ADK: variants seen among roughly 807,000 people sequenced by gnomAD.
ADK encodes the protein adenosine kinase.
ADK carries 24 observed loss-of-function variants against 44.7 expected under a neutral mutation model. The ratio of observed to expected loss-of-function variants is 0.54; its 90% CI spans 0.39 to 0.76. The LOEUF (loss-of-function observed/expected upper bound fraction) is 0.76, where lower values mean the gene tolerates loss of function less well. Among genes scored for constraint, ADK ranks in the 30% least tolerant of loss-of-function variants. The pLI is 0.00. For missense variants in ADK, 321 were observed against 425.1 expected, an observed-to-expected ratio of 0.76 and a Z score of 2.15; for synonymous variants, 128 against 142.6, an observed-to-expected ratio of 0.90 and a Z score of 0.73.
chr10:74,637,781 A>G (rs1474984710), intron 9 of ADK, among the ~76,000 whole-genome samples: 2 of 152,216 alleles, frequency 1.3e-5, no homozygotes, highest in Non-Finnish European at 2.9e-5. Context: ...GAGACTGCTG[A>G]GTCTAGATGA....
At chr10:74,426,262 A>G (rs916355589) in intron 6 of ADK, among the ~76,000 whole-genome samples, 3 of 152,228 alleles carry the variant, frequency 2.0e-5, no homozygotes, top group Admixed American at 6.5e-5. Flanking sequence ...AGGAGTTAGT[A>G]TAATTCAGAA....
intron 3 of ADK, among the ~76,000 whole-genome samples, chr10:74,300,451 A>G (rs905157445): frequency 8.6e-5 from 13 of 151,486 alleles, no homozygotes; most frequent in Admixed American, 6.6e-4. Context: ...GTCTTGGCTC[A>G]CTGCAACTTC....
chr10:74,453,081 C>T lies in ADK; in HGVS notation c.555+54502C>T, dbSNP rs537365461. On this transcript the variant is annotated intron_variant, in intron 6 of 10. Transcript: ENST00000539909. ...GATAGTAAAATATTTAACAGAAATT[C>T]AAGCACATTCTTTTAACTCTTTCTG... Among the ~76,000 whole-genome samples, 48 of 152,076 alleles carry T rather than the reference C, an allele frequency of 3.2e-4. No individual in the cohort carries two copies. In the East Asian group the frequency reaches 4.4e-3, roughly 14 times the overall value.
chr10:74,218,393 T>C (rs940898025), intron 2 of ADK, among the ~76,000 whole-genome samples: 2 of 152,178 alleles, frequency 1.3e-5, no homozygotes, highest in African/African-American at 4.8e-5. Flanking sequence ...CTACGTCTGA[T>C]TGGTGTACCT....
intron 3 of ADK, among the ~76,000 whole-genome samples, chr10:74,274,435 G>C (rs544548419): frequency 2.0e-5 from 3 of 151,760 alleles, no homozygotes. Flanking sequence ...GGTGGCAGGC[G>C]CCTGTAATTC....
intron 1 of ADK, among the ~76,000 whole-genome samples, chr10:74,166,829 T>C (rs1005018658): frequency 3.3e-5 from 5 of 152,192 alleles, no homozygotes; most frequent in Non-Finnish European, 7.3e-5. Flanking sequence ...TATGAGCTTG[T>C]GAGGAACTTC....
intron 6 of ADK, among the ~76,000 whole-genome samples, chr10:74,470,603 T>A (rs1255894212): frequency 1.3e-5 from 2 of 152,234 alleles, no homozygotes; most frequent in Non-Finnish European, 2.9e-5. Flanking sequence ...TTGAAAAATA[T>A]CTATTCAAGC....
intron 3 of ADK, among the ~76,000 whole-genome samples, chr10:74,309,665 G>T (rs1904062): frequency 0.48 from 73,257 of 151,820 alleles, 20,145 homozygotes; most frequent in Non-Finnish European, 0.62. Flanking sequence ...AGGGAGAGGG[G>T]TGTATGAAGT....
chr10:74,532,861 G>C lies in ADK; in HGVS notation c.726+7435G>C, dbSNP rs1053960272. Among the ~76,000 whole-genome samples, 26 of 133,142 alleles carry C rather than the reference G, an allele frequency of 2.0e-4. 1 individual carries two copies. The highest frequency in any genetic ancestry group is 7.3e-4 in the African/African-American group (26 of 35,530). 87.3% of individuals were successfully genotyped at this position (133,142 alleles called of 152,430 possible). On this transcript the variant is annotated intron_variant, in intron 7 of 10. Coordinates refer to ENST00000539909, the MANE Select transcript of ADK (RefSeq NM_006721.4). ...GGAGAACCCAGGAGGCGGAGGTTGC[G>C]ATGAGCCGAGATCATGCCACTGCAC...
At chr10:74,190,689 G>A (rs1274163514) in intron 1 of ADK, among the ~76,000 whole-genome samples, 1 of 152,134 alleles carries the variant, frequency 6.6e-6, no homozygotes, top group Non-Finnish European at 1.5e-5. Flanking sequence ...TCAGGGAATT[G>A]CTAGTCAGCT....
intron 7 of ADK, among the ~76,000 whole-genome samples, chr10:74,555,420 GGA>G (rs962566738): frequency 4.6e-5 from 7 of 152,006 alleles, no homozygotes; most frequent in African/African-American, 1.7e-4. Context: ...TGGAAGTGGG[GGA>G]GAGAGAGAAT....
intron 4 of ADK, among the ~76,000 whole-genome samples, chr10:74,321,559 G>A (rs1264511414): frequency 4.6e-5 from 7 of 152,064 alleles, no homozygotes; most frequent in African/African-American, 1.7e-4. Flanking sequence ...TCTCAAATTA[G>A]CAGATCCTTA....
At chr10:74,283,441 C>A (rs966754600) in intron 3 of ADK, among the ~76,000 whole-genome samples, 2 of 150,466 alleles carry the variant, frequency 1.3e-5, no homozygotes, top group African/African-American at 4.9e-5. Context: ...TTTGACCTTG[C>A]TGGTTTCTAA....
At chr10:74,410,676 G>A (rs1844144141) in intron 6 of ADK, among the ~76,000 whole-genome samples, 1 of 152,068 alleles carries the variant, frequency 6.6e-6, no homozygotes, top group Non-Finnish European at 1.5e-5. Flanking sequence ...GTGAGACTCT[G>A]TCTGAAAACA....
chr10:74,515,757 C>A (rs1340974017), intron 6 of ADK, among the ~76,000 whole-genome samples: 2 of 152,120 alleles, frequency 1.3e-5, no homozygotes, highest in Non-Finnish European at 2.9e-5. Context: ...GGGAGCCCAG[C>A]AGTTTGGCCA....
chr10:74,621,185 G>C (rs1445461508), intron 9 of ADK, among the ~76,000 whole-genome samples: 3 of 152,112 alleles, frequency 2.0e-5, no homozygotes, highest in Non-Finnish European at 4.4e-5. Context: ...TTTCCTTCTA[G>C]TAGTTTTATT....
At chr10:74,161,198 A>G (rs1841887488) in intron 1 of ADK, among the ~76,000 whole-genome samples, 1 of 152,088 alleles carries the variant, frequency 6.6e-6, no homozygotes, top group South Asian at 2.1e-4. Context: ...TGTTGAATCA[A>G]GGAATTCCTA....
At chr10:74,240,088 C>T (rs1230527162) in intron 3 of ADK, among the ~76,000 whole-genome samples, 1 of 151,790 alleles carries the variant, frequency 6.6e-6, no homozygotes, top group Non-Finnish European at 1.5e-5. Flanking sequence ...GATCTGAGCT[C>T]ACTGCAACCT....
intron 6 of ADK, among the ~76,000 whole-genome samples, chr10:74,494,556 C>T (rs879332166): frequency 2.0e-5 from 3 of 152,176 alleles, no homozygotes; most frequent in East Asian, 1.9e-4. Context: ...CTTCCAATAG[C>T]TTCTCACATT....
Sources: allele counts gnomAD v4.1 joint callset (sites outside exome capture counted in the v4.1 genomes callset), GRCh38; gene constraint gnomAD v4.1.1; transcripts MANE v1.5; gene names NCBI Gene and HGNC (gene_info 2026-07-23, HGNC 2026-07-21).